Variants in FAHD2B observed in about 807,000 individuals in gnomAD.
The protein encoded by FAHD2B is oxaloacetate tautomerase FAHD2B, mitochondrial.
A neutral mutation model predicts 33.7 loss-of-function variants in FAHD2B; 26 were observed. The ratio of observed to expected loss-of-function variants is 0.77; its 90% CI spans 0.57 to 1.07. FAHD2B has a LOEUF of 1.07. Ranked by LOEUF, FAHD2B falls within the 50% of genes least tolerant of loss-of-function variation. The pLI, the probability that FAHD2B is intolerant of heterozygous loss-of-function variation, is 0.00. For synonymous variants in FAHD2B, 108 were observed against 150.9 expected (o/e 0.72, Z 2.08); for missense variants, 272 against 388.1 (o/e 0.70, Z 2.51).
chr2:97,085,999 CAG>C (rs2031958256), intron 5 of FAHD2B, 138 bp from the exon 6 acceptor site: 1 of 1,340,184 alleles, frequency 7.5e-7, no homozygotes, highest in African/African-American at 1.4e-5. Context: ...AAGGCAGTGT[CAG>C]GGAGCAAGGA....
At chr2:97,083,911 T>G (rs768483720) in intron 8 of FAHD2B, 37 bp downstream of exon 8, 59 of 1,613,946 alleles carry the variant, frequency 3.7e-5, no homozygotes, top group South Asian at 5.5e-5. Flanking sequence ...TGCCAGGCCT[T>G]TGGGGCCCTT....
At chr2:97,086,756 A>G in intron 4 of FAHD2B, 1 of 154,500 alleles carries the variant, frequency 6.5e-6, no homozygotes, top group Non-Finnish European at 1.4e-5. Flanking sequence ...TCTTTCTAAT[A>G]ATAACCAGAG....
In FAHD2B at chr2:97,091,225, C is replaced by A. The variant is rs370212332; in HGVS notation, c.245+237G>T. 5.0e-3 allele frequency among the ~76,000 whole-genome samples: 497 copies of A among 99,386 alleles called. 29 individuals carry two copies. The East Asian group carries it at 0.064, about 13-fold the overall frequency. 65.2% of individuals were successfully genotyped at this position (99,386 alleles called of 152,430 possible). A position where few individuals can be genotyped will look rare whatever the true frequency, so the allele number is the denominator to read the frequency against. ...GTATAGAGTCCTGGTTCCAGCACCACATGTATGGCCTTGAAATTGTTAATC... is the reference window on the plus strand; with the variant it reads ...GTATAGAGTCCTGGTTCCAGCACCAAATGTATGGCCTTGAAATTGTTAATC... On this transcript the variant is annotated intron_variant, in intron 3 of 8. Coordinates refer to ENST00000414820, the MANE Select transcript of FAHD2B (RefSeq NM_001320848.2).
intron 4 of FAHD2B, among the ~76,000 whole-genome samples, chr2:97,087,566 G>GT (rs1225858897): frequency 1.3e-5 from 2 of 151,948 alleles, no homozygotes; most frequent in African/African-American, 4.8e-5. Flanking sequence ...AGGTGTGGTG[G>GT]TGCATCCCTG....
Position 97,090,240 on chromosome 2 carries a change from C to T in FAHD2B, c.331G>A (p.Val111Met). ...CAGTGGTCCACATAATTCATGCCCA[C>T]ACACACCACCTTATCTGGCCATGTG... is the stretch of plus-strand genomic sequence containing the variant. Reference protein sequence around the residue: ...PVTWPDKVVCVGMNYVDHCKE... With the variant: ...PVTWPDKVVCMGMNYVDHCKE... The change falls in exon 4 of 9, where the codon GTG becomes ATG. Residue 111 changes from valine (V) to methionine (M), a missense_variant. Physicochemically the swap from Val to Met is conservative, Grantham distance 21. Coordinates refer to ENST00000414820, the MANE Select transcript of FAHD2B (RefSeq NM_001320848.2). 1.9e-6 allele frequency: 3 copies of T among 1,611,226 alleles called. No homozygotes were observed. The highest frequency in any genetic ancestry group is 2.5e-6 in the Non-Finnish European group (3 of 1,178,854).
downstream of FAHD2B, chr2:97,081,078 C>G: frequency 5.3e-6 from 8 of 1,510,108 alleles, no homozygotes; most frequent in Non-Finnish European, 7.1e-6. Context: ...GCTCCTTCCT[C>G]ATAATGGACC....
rs933879540 is a variant in FAHD2B at position 97,091,357 on chromosome 2, C to A, written c.245+105G>T. On this transcript the variant is annotated intron_variant, in intron 3 of 8. Transcript: ENST00000414820. The stretch of plus-strand genomic sequence containing the variant: ...GGAGAAAAGGAAAGGTGGGGTTACT[C>A]TGCTCCCTTGCAAAAGAGCTACCTG... 8 of 1,251,204 alleles carry A rather than the reference C, an allele frequency of 6.4e-6. No homozygotes were observed. The East Asian group carries it at 2.1e-4, about 32-fold the overall frequency. 77.5% of individuals were successfully genotyped at this position (1,251,204 alleles called of 1,614,324 possible). A position where few individuals can be genotyped will look rare whatever the true frequency, so the allele number is the denominator to read the frequency against.
downstream of FAHD2B, among the ~76,000 whole-genome samples, chr2:97,079,435 T>C (rs551526442): frequency 3.9e-5 from 6 of 152,180 alleles, 2 homozygotes; most frequent in South Asian, 1.3e-3. Context: ...CCAGCACCTG[T>C]TATTTTTGGA....
Position 97,083,724 on chromosome 2 carries a change from C to T in FAHD2B, c.*31G>A. ...GCTAGGCTGAGTGGGAGCAGATGCC[C>T]TCATCCTATGTCGGGCCTGTGCAGG... On this transcript the variant is annotated 3_prime_UTR_variant, in exon 9 of 9. Coordinates refer to ENST00000414820, the MANE Select transcript of FAHD2B (RefSeq NM_001320848.2). 1 of 1,614,066 alleles carries T rather than the reference C, an allele frequency of 6.2e-7. No individual in the cohort carries two copies. Among genetic ancestry groups the T allele is most frequent in the Non-Finnish European group, 8.5e-7 (1 of 1,180,032 alleles).
chr2:97,080,693 CATA>C (rs1181203163), downstream of FAHD2B, among the ~76,000 whole-genome samples: 2 of 152,030 alleles, frequency 1.3e-5, no homozygotes, highest in Admixed American at 1.3e-4. Context: ...TGGCCATTTT[CATA>C]ATATTGATTC....
At chr2:97,089,083 C>T (rs540348132) in intron 4 of FAHD2B, among the ~76,000 whole-genome samples, 1 of 151,822 alleles carries the variant, frequency 6.6e-6, no homozygotes, top group Admixed American at 6.6e-5. Flanking sequence ...GAAAAGTAAC[C>T]AGTGTTAGTA....
At chr2:97,081,291 C>T, downstream of FAHD2B, 4 of 1,485,046 alleles carry the variant, frequency 2.7e-6, no homozygotes, top group Non-Finnish European at 3.6e-6. Flanking sequence ...AGGCCTTCCC[C>T]TCTTGGTGGT....
At chr2:97,092,778 C>G (rs913013640) in intron 1 of FAHD2B, among the ~76,000 whole-genome samples, 1 of 151,816 alleles carries the variant, frequency 6.6e-6, no homozygotes, top group African/African-American at 2.4e-5. Context: ...CAAGACCAGC[C>G]TGGCCAACAT....
chr2:97,091,813 C>T, intron 2 of FAHD2B, 50 bp downstream of exon 2: 1 of 1,501,606 alleles, frequency 6.7e-7, no homozygotes, highest in Non-Finnish European at 8.9e-7. Flanking sequence ...TTTGCCCCAT[C>T]AACCGTTCCC....
rs775549903 is a variant in FAHD2B at position 97,084,251 on chromosome 2, G to A, written c.712C>T (p.Arg238Ter). Residue 238 changes from arginine to a stop codon, truncating the protein, a stop_gained, in exon 7 of 9, where the codon CGA becomes TGA. Transcript: ENST00000414820. LOFTEE classifies it high-confidence loss of function. ...CTCTGGACGACTTCCCCATTCACTC[G>A]GCAGCAGATCTTTAAGTTGTGTGGA... ...ADPHNLKICCRVNGEVVQSSN... is the reference protein window; with the variant it reads ...ADPHNLKICC 5 of 1,613,662 alleles carry A rather than the reference G, an allele frequency of 3.1e-6. No individual in the cohort carries two copies. Among genetic ancestry groups the A allele is most frequent in the Non-Finnish European group, 3.4e-6 (4 of 1,179,834 alleles).
intron 3 of FAHD2B, 40 bp from the exon 4 acceptor site, chr2:97,090,365 C>G: frequency 6.8e-7 from 1 of 1,478,278 alleles, no homozygotes; most frequent in Non-Finnish European, 8.9e-7. Flanking sequence ...TGGCTGGGAA[C>G]AGGTGGGCAA....
At chr2:97,079,231 G>A (rs1193336151), downstream of FAHD2B, among the ~76,000 whole-genome samples, 1 of 152,028 alleles carries the variant, frequency 6.6e-6, no homozygotes, top group Non-Finnish European at 1.5e-5. Context: ...TGCAATGGAC[G>A]CATGCATGCA....
At chr2:97,085,651 T>C (rs748434413) in intron 6 of FAHD2B, 48 bp downstream of exon 6, 1 of 1,608,360 alleles carries the variant, frequency 6.2e-7, no homozygotes, top group South Asian at 1.1e-5. Flanking sequence ...TGGAGGGCTG[T>C]TCATCTGTGC....
intron 4 of FAHD2B, chr2:97,086,494 A>G: frequency 2.4e-6 from 1 of 422,684 alleles, no homozygotes; most frequent in Non-Finnish European, 4.4e-6. Flanking sequence ...GATACTTTTA[A>G]CAAAGGATAA....
Sources: allele counts gnomAD v4.1 joint callset (sites outside exome capture counted in the v4.1 genomes callset), GRCh38; gene constraint gnomAD v4.1.1; transcripts MANE v1.5; gene names NCBI Gene and HGNC (gene_info 2026-07-23, HGNC 2026-07-21).